Variants in DISP1 observed in about 807,000 individuals in gnomAD.
The protein encoded by DISP1 is dispatched RND transporter family member 1.
DISP1 carries 30 observed loss-of-function variants against 37.3 expected under a neutral mutation model. The observed-to-expected ratio is 0.80, with a 90% CI of 0.60 to 1.09. The LOEUF (loss-of-function observed/expected upper bound fraction) is 1.09. Ranked by LOEUF, DISP1 falls within the 50% of genes least tolerant of loss-of-function variation. The pLI, the probability that DISP1 is intolerant of heterozygous loss-of-function variation, is 0.00. For synonymous variants in DISP1, 634 were observed against 690.2 expected, an observed-to-expected ratio of 0.92 and a Z score of 1.28; for missense variants, 1,598 against 1,879.5, an observed-to-expected ratio of 0.85 and a Z score of 2.77.
intron 4 of DISP1, 43 bp from the exon 5 acceptor site, chr1:222,990,582 A>G: frequency 6.2e-7 from 1 of 1,613,380 alleles, no homozygotes; most frequent in South Asian, 1.1e-5. Context: ...GTGTTTCTGT[A>G]GTTATGCAGC....
At chr1:223,002,287 C>CCTGT in intron 8 of DISP1, 98 bp from the exon 9 acceptor site, 1 of 1,131,930 alleles carries the variant, frequency 8.8e-7, no homozygotes. Context: ...TGTAACTTTC[C>CCTGT]CTGTCCCTCA....
At chr1:222,885,923 G>C (rs1218096170) in intron 1 of DISP1, among the ~76,000 whole-genome samples, 2 of 152,010 alleles carry the variant, frequency 1.3e-5, no homozygotes, top group Non-Finnish European at 2.9e-5. Context: ...TTCTCCTACT[G>C]AGATTATTCC....
At chr1:222,940,917 T>G (rs1674333522) in intron 2 of DISP1, among the ~76,000 whole-genome samples, 1 of 152,250 alleles carries the variant, frequency 6.6e-6, no homozygotes, top group Admixed American at 6.5e-5. Flanking sequence ...GTTTCCTACA[T>G]TATCTAAGAC....
chr1:222,920,016 ATATT>A (rs373526424), intron 1 of DISP1, among the ~76,000 whole-genome samples: 105 of 152,294 alleles, frequency 6.9e-4, no homozygotes, highest in African/African-American at 2.4e-3. Context: ...TATGCAGGTG[ATATT>A]TATATTCCTA....
chr1:222,956,474 G>C (rs1675605135), intron 3 of DISP1, among the ~76,000 whole-genome samples: 1 of 152,000 alleles, frequency 6.6e-6, no homozygotes, highest in Admixed American at 6.6e-5. Flanking sequence ...TTGTTTTTTA[G>C]GTATTAGTCT....
At chr1:222,956,962 T>A (rs1675645918) in intron 3 of DISP1, among the ~76,000 whole-genome samples, 1 of 152,118 alleles carries the variant, frequency 6.6e-6, no homozygotes, top group South Asian at 2.1e-4. Context: ...AGTGTAACTT[T>A]AAAATGTAAC....
chr1:222,874,848 T>C (rs948578720), intron 1 of DISP1, among the ~76,000 whole-genome samples: 2 of 152,084 alleles, frequency 1.3e-5, no homozygotes, highest in Admixed American at 1.3e-4. Context: ...ATTTTTAGAG[T>C]TTCCTGTTTT....
At chr1:222,846,360 G>A (rs147767301) in intron 1 of DISP1, among the ~76,000 whole-genome samples, 4,350 of 152,210 alleles carry the variant, frequency 0.029, 183 homozygotes, top group African/African-American at 0.092. Flanking sequence ...GTGTGGTGGC[G>A]CATGCCTGTA....
chr1:223,002,425 C>G lies in DISP1; in HGVS notation c.1028C>G (p.Thr343Ser). The stretch of plus-strand genomic sequence containing the variant: ...CAGTTTGGTGATCTCTGCCAGAGGA[C>G]CACTGCTGCCTCCTGCTGCCCCAGC... ...HPQFGDLCQR[T>S]TAASCCPSWT... Residue 343 changes from threonine (T) to serine (S), a missense_variant, in exon 9 of 9, where the codon ACC (threonine) becomes AGC (serine). Physicochemically the swap from Thr to Ser is moderately conservative, Grantham distance 58. Transcript: ENST00000675850. 6.2e-7 allele frequency: 1 copy of G among 1,614,116 alleles called. No individual in the cohort carries two copies.
Position 222,885,689 on chromosome 1 carries a change from C to T in DISP1, c.-158-42741C>T, listed in dbSNP as rs970865161. ...AGGGTCTTGCTATGTTGCCCGGGCTCCTGGTTTCTTTTATTGAAGAATGGC... is the reference window on the plus strand; with the variant it reads ...AGGGTCTTGCTATGTTGCCCGGGCTTCTGGTTTCTTTTATTGAAGAATGGC... On this transcript the variant is annotated intron_variant, in intron 1 of 8. Transcript: ENST00000675850. 2.0e-5 allele frequency among the ~76,000 whole-genome samples: 3 copies of T among 152,022 alleles called. No homozygotes were observed. In the South Asian group the frequency reaches 6.2e-4, roughly 32 times the overall value.
At chr1:222,868,476 A>C (rs1226390818) in intron 1 of DISP1, among the ~76,000 whole-genome samples, 1 of 152,118 alleles carries the variant, frequency 6.6e-6, no homozygotes, top group Non-Finnish European at 1.5e-5. Context: ...TTGGGAGCGG[A>C]ATTATTCATT....
chr1:222,842,422 T>C (rs1375490140), intron 1 of DISP1, among the ~76,000 whole-genome samples: 1 of 152,002 alleles, frequency 6.6e-6, no homozygotes, highest in Non-Finnish European at 1.5e-5. Context: ...TAGAAGGAGA[T>C]TATAGCTATA....
chr1:222,871,985 T>A (rs1323762565), intron 1 of DISP1, among the ~76,000 whole-genome samples: 1 of 152,008 alleles, frequency 6.6e-6, no homozygotes, highest in Non-Finnish European at 1.5e-5. Context: ...TTATTGAGAG[T>A]TTTTAGCATG....
chr1:222,942,886 T>A lies in DISP1; in HGVS notation c.63T>A (p.Ser21Arg). ...TGAGCAACAGCAGCATCGCAACCAG[T>A]GCTGCTAACCCGAGTCCCCTCACCC... is the stretch of plus-strand genomic sequence containing the variant. ...VVLSNSSIATSAANPSPLTPC... is the reference protein window; with the variant it reads ...VVLSNSSIATRAANPSPLTPC... The change falls in exon 3 of 9, where the codon AGT becomes AGA. Residue 21 changes from serine (S) to arginine (R), a missense_variant. Coordinates refer to ENST00000675850, the MANE Select transcript of DISP1 (RefSeq NM_001377229.1). 1 of 1,614,176 alleles carries A rather than the reference T, an allele frequency of 6.2e-7. No homozygotes were observed. The highest frequency in any genetic ancestry group is 8.5e-7 in the Non-Finnish European group (1 of 1,180,024).
intron 1 of DISP1, among the ~76,000 whole-genome samples, chr1:222,885,919 T>A (rs1670568987): frequency 6.6e-6 from 1 of 152,082 alleles, no homozygotes; most frequent in Non-Finnish European, 1.5e-5. Flanking sequence ...TATTTTCTCC[T>A]ACTGAGATTA....
chr1:222,949,964 C>G (rs1675088557), intron 3 of DISP1, among the ~76,000 whole-genome samples: 1 of 152,222 alleles, frequency 6.6e-6, no homozygotes, highest in African/African-American at 2.4e-5. Context: ...ATAGTCTCTC[C>G]TCACCATGAG....
At chr1:222,988,702 G>A (rs1323664814) in intron 4 of DISP1, among the ~76,000 whole-genome samples, 2 of 138,026 alleles carry the variant, frequency 1.4e-5, no homozygotes, top group African/African-American at 5.4e-5. Context: ...CACCCAGGCT[G>A]GAGTGCAGTG....
At chr1:222,975,137 C>T (rs1166220441) in intron 3 of DISP1, among the ~76,000 whole-genome samples, 9 of 152,084 alleles carry the variant, frequency 5.9e-5, no homozygotes, top group Admixed American at 5.9e-4. Context: ...GCAATCCTCC[C>T]TTCTCAGCCT....
chr1:222,875,847 GAA>G (rs1669946218), intron 1 of DISP1, among the ~76,000 whole-genome samples: 1 of 133,786 alleles, frequency 7.5e-6, no homozygotes, highest in Non-Finnish European at 1.6e-5. Flanking sequence ...AAAAAAAAAA[GAA>G]AGAAAGAAAA....
Sources: gnomAD v4.1 joint callset for allele counts (sites outside exome capture counted in the v4.1 genomes callset) on GRCh38, gnomAD v4.1.1 for gene constraint, MANE v1.5 for transcripts, NCBI Gene and HGNC (gene_info 2026-07-23, HGNC 2026-07-21) for gene names.